FMN2: variants seen among roughly 807,000 people sequenced by gnomAD.
FMN2 encodes formin-2.
FMN2 carries 51 observed loss-of-function variants against 142.3 expected under a neutral mutation model. The ratio of observed to expected loss-of-function variants is 0.36; its 90% CI spans 0.29 to 0.45. The LOEUF is 0.45. Among genes scored for constraint, FMN2 ranks in the 20% least tolerant of loss-of-function variants. The pLI, the probability that FMN2 is intolerant of heterozygous loss-of-function variation, is 1.00. For missense variants in FMN2, 1,936 were observed against 2,122.8 expected (o/e 0.91, Z 1.73); for synonymous variants, 882 against 869.8 (o/e 1.01, Z -0.25).
chr1:240,440,841 G>T (rs1238149521), intron 16 of FMN2, among the ~76,000 whole-genome samples: 1 of 151,980 alleles, frequency 6.6e-6, no homozygotes, highest in African/African-American at 2.4e-5. Flanking sequence ...GTACTTCTTA[G>T]GAAACAGTGA....
chr1:240,250,467 T>C (rs1175621058), intron 6 of FMN2, among the ~76,000 whole-genome samples: 1 of 152,204 alleles, frequency 6.6e-6, no homozygotes, highest in Non-Finnish European at 1.5e-5. Context: ...TCTTTAGATG[T>C]GCTGTTGAAC....
chr1:240,274,460 G>A (rs1336805601), intron 7 of FMN2, among the ~76,000 whole-genome samples: 1 of 152,088 alleles, frequency 6.6e-6, no homozygotes, highest in African/African-American at 2.4e-5. Flanking sequence ...GGAGAGAATT[G>A]GAGACGTGAT....
chr1:240,219,035 A>T (rs1453689605), intron 6 of FMN2, among the ~76,000 whole-genome samples: 2 of 152,110 alleles, frequency 1.3e-5, no homozygotes, highest in African/African-American at 2.4e-5. Flanking sequence ...ATATGTAGAG[A>T]GGATTAAGGG....
At chr1:240,146,821 A>G (rs1571983279) in intron 2 of FMN2, among the ~76,000 whole-genome samples, 1 of 152,196 alleles carries the variant, frequency 6.6e-6, no homozygotes, top group Non-Finnish European at 1.5e-5. Flanking sequence ...GTGAACACCA[A>G]TCTAGTATCA....
At chr1:240,176,814 G>T (rs1028097631) in intron 2 of FMN2, among the ~76,000 whole-genome samples, 1 of 152,168 alleles carries the variant, frequency 6.6e-6, no homozygotes, top group Non-Finnish European at 1.5e-5. Flanking sequence ...CTGATCCAAC[G>T]CTGAGGCTAA....
chr1:240,291,958 C>A (rs1669808119), intron 7 of FMN2, among the ~76,000 whole-genome samples: 1 of 151,582 alleles, frequency 6.6e-6, no homozygotes, highest in Non-Finnish European at 1.5e-5. Context: ...AAACCCCAAA[C>A]CAAAACTTGG....
At chr1:240,304,872 T>C (rs1181626811) in intron 8 of FMN2, among the ~76,000 whole-genome samples, 1 of 152,220 alleles carries the variant, frequency 6.6e-6, no homozygotes, top group Non-Finnish European at 1.5e-5. Flanking sequence ...TGCTAAGAGC[T>C]GACATTGACT....
intron 6 of FMN2, chr1:240,245,631 TGTA>T: frequency 2.1e-6 from 1 of 470,710 alleles, no homozygotes; most frequent in East Asian, 7.0e-5. Context: ...ATGCCTGATG[TGTA>T]GTAGGGGTAT....
chr1:240,146,067 G>A (rs1388240524), intron 2 of FMN2, among the ~76,000 whole-genome samples: 3 of 151,798 alleles, frequency 2.0e-5, no homozygotes, highest in South Asian at 4.2e-4. Flanking sequence ...CATATGCCAC[G>A]TTCAAAGTGA....
rs781073421 is a variant in FMN2, at chr1:240,092,473, A to G, written c.364A>G (p.Ser122Gly). 6.2e-7 allele frequency: 1 copy of G among 1,608,792 alleles called. No homozygotes were observed. Among genetic ancestry groups the G allele is most frequent in the Non-Finnish European group, 8.5e-7 (1 of 1,177,800 alleles). Residue 122 changes from serine (S) to glycine (G), a missense_variant, in exon 1 of 18, where the codon AGC becomes GGC. By Grantham distance (56) the Ser-to-Gly change is moderately conservative. Around this residue, in one of 8 missense-constraint regions of FMN2, gnomAD observed 751 missense variants for 791.8 expected, o/e 0.95. Transcript: ENST00000319653. ...HSLLTKTPDL[S>G]LSADEAGLSD... ...CCTGCTCACCAAGACTCCAGACCTC[A>G]GCCTCTCGGCGGACGAGGCCGGCCT...
At chr1:240,154,196 C>T (rs1220263305) in intron 2 of FMN2, among the ~76,000 whole-genome samples, 3 of 149,858 alleles carry the variant, frequency 2.0e-5, no homozygotes, top group South Asian at 2.1e-4. Context: ...GGAGAACGTA[C>T]GTTCTCACTG....
chr1:240,369,882 C>T (rs1028387426), intron 14 of FMN2, among the ~76,000 whole-genome samples: 1 of 152,128 alleles, frequency 6.6e-6, no homozygotes, highest in African/African-American at 2.4e-5. Flanking sequence ...ACACATTGGG[C>T]GTTTGGGGCC....
intron 16 of FMN2, chr1:240,458,836 G>A (rs1306080601): frequency 6.6e-6 from 1 of 151,888 alleles, no homozygotes; most frequent in African/African-American, 2.4e-5. Context: ...AGTGATTGTT[G>A]TTTTACTATT....
intron 14 of FMN2, among the ~76,000 whole-genome samples, chr1:240,367,164 G>A (rs550020638): frequency 6.6e-6 from 1 of 152,192 alleles, no homozygotes; most frequent in Admixed American, 6.5e-5. Context: ...GTTTTCACTT[G>A]CATTTTCCTG....
chr1:240,198,864 T>C (rs1666024756), intron 4 of FMN2, among the ~76,000 whole-genome samples: 1 of 152,126 alleles, frequency 6.6e-6, no homozygotes, highest in African/African-American at 2.4e-5. Flanking sequence ...CCCAGCACTT[T>C]GGGAGGCCGA....
At chr1:240,372,419 A>G (rs1481131680) in intron 14 of FMN2, among the ~76,000 whole-genome samples, 2 of 152,078 alleles carry the variant, frequency 1.3e-5, no homozygotes, top group Non-Finnish European at 2.9e-5. Context: ...CTGAAATATG[A>G]TAGGGAAGAA....
At chr1:240,239,663 T>C (rs926256280) in intron 6 of FMN2, among the ~76,000 whole-genome samples, 2 of 152,208 alleles carry the variant, frequency 1.3e-5, no homozygotes, top group African/African-American at 4.8e-5. Flanking sequence ...GCATACTCTA[T>C]GGATGGAGCA....
intron 14 of FMN2, among the ~76,000 whole-genome samples, chr1:240,385,587 GACTGTACTGTCT>G (rs1673377905): frequency 6.6e-6 from 1 of 152,112 alleles, no homozygotes. Context: ...AGCTCCTTTA[GACTGTACTGTCT>G]ACTGTACTGT....
At chr1:240,195,041 A>C (rs1476496326) in intron 4 of FMN2, among the ~76,000 whole-genome samples, 2 of 152,096 alleles carry the variant, frequency 1.3e-5, no homozygotes, top group East Asian at 3.9e-4. Context: ...TATTGTTGTT[A>C]TAGTTGAGCA....
Sources: gnomAD v4.1 joint callset for allele counts (sites outside exome capture counted in the v4.1 genomes callset) on GRCh38, gnomAD v4.1.1 for gene constraint, gnomAD v4.1.1 regional missense constraint, MANE v1.5 for transcripts, NCBI Gene and HGNC (gene_info 2026-07-23, HGNC 2026-07-21) for gene names.